The following LCAT variants were observed in gnomAD, a reference collection of about 807,000 sequenced individuals.
LCAT encodes the protein phosphatidylcholine-sterol acyltransferase.
In LCAT, 15 loss-of-function variants were observed where a neutral mutation model predicts 41.0. The ratio of observed to expected loss-of-function variants is 0.37; its 90% CI spans 0.24 to 0.56. LCAT has a LOEUF of 0.56. LCAT is among the 20% of genes least tolerant of loss of function. LCAT has a pLI of 0.81. For missense variants in LCAT, 449 were observed against 595.1 expected (o/e 0.75, Z 2.55); for synonymous variants, 248 against 245.4 (o/e 1.01, Z -0.10).
Position 67,940,492 on chromosome 16 carries a change from G to A in LCAT, c.749-14C>T, listed in dbSNP as rs775396226. The A allele has an allele frequency of 2.5e-6, 4 of 1,613,706 alleles. No individual in the cohort carries two copies. Among genetic ancestry groups the A allele is most frequent in the Non-Finnish European group, 8.5e-7 (1 of 1,179,868 alleles). On this transcript the variant is annotated splice_polypyrimidine_tract_variant and intron_variant, in intron 5 of 5. Transcript: ENST00000264005. ...CCTGGTTGTCACCTGTGGATATGGA[G>A]CAAGGTGGGACAGGGAGCCAGGCCT...
At position 67,943,254 on chromosome 16, in the gene LCAT, G is replaced by A. The variant is rs79374857; in HGVS notation, c.155-42C>T. ...TCACTCTGGACTCTGGATTCCCCCC[G>A]TGACCCTTACCCCCGTCACCCCAGA... On this transcript the variant is annotated intron_variant, in intron 1 of 5. Coordinates refer to ENST00000264005, the MANE Select transcript of LCAT (RefSeq NM_000229.2). The surrounding 1 kb of genome is among the most constrained non-coding windows in gnomAD (Gnocchi z 4.6). 16 of 1,590,508 alleles carry A rather than the reference G, an allele frequency of 1.0e-5. No individual in the cohort carries two copies. Among genetic ancestry groups the A allele is most frequent in the South Asian group, 7.8e-5 (7 of 90,290 alleles).
chr16:67,943,689 TG>T lies in LCAT; in HGVS notation c.154+258del. The T allele has an allele frequency of 1.9e-6, 1 of 539,834 alleles. No individual in the cohort carries two copies. The highest frequency in any genetic ancestry group is 2.5e-5 in the South Asian group (1 of 40,806). The allele number at this position is 539,834 out of a possible 1,614,324, so 33.4% of individuals were successfully genotyped here. A position where few individuals can be genotyped will look rare whatever the true frequency, so the allele number is the denominator to read the frequency against. On this transcript the variant is annotated intron_variant, in intron 1 of 5. Transcript: ENST00000264005. The surrounding 1 kb of genome is among the most constrained non-coding windows in gnomAD (Gnocchi z 4.6). ...GGCTGTGACTGACCACAGCTTGTGA[TG>T]CCCCAGCCAAGACCTCAGGCACACC...
Position 67,943,108 on chromosome 16 carries a change from C to G in LCAT, c.259G>C (p.Asp87His). 1 of 1,614,018 alleles carries G rather than the reference C, an allele frequency of 6.2e-7. No individual in the cohort carries two copies. The highest frequency in any genetic ancestry group is 8.5e-7 in the Non-Finnish European group (1 of 1,179,954). Residue 87 changes from aspartate (D) to histidine (H), a missense_variant, in exon 2 of 6, where the codon GAT (aspartate) becomes CAT (histidine). By Grantham distance (81) the Asp-to-His change is moderately conservative. Coordinates refer to ENST00000264005, the MANE Select transcript of LCAT (RefSeq NM_000229.2). The surrounding 1 kb of genome is among the most constrained non-coding windows in gnomAD (Gnocchi z 4.6). Reference protein sequence around the residue: ...KTEDFFTIWLDLNMFLPLGVD... With the variant: ...KTEDFFTIWLHLNMFLPLGVD... ...CCAAGGGGTAGGAACATGTTGAGAT[C>G]CAGCCAGATGGTGAAGAAGTCCTCT...
rs765971549 is a variant in LCAT at position 67,944,045 on chromosome 16, G to T, written c.57C>A (p.Leu19=). The change falls in exon 1 of 6, where the codon CTC becomes CTA. Residue 19 remains leucine, a synonymous_variant. Coordinates refer to ENST00000264005, the MANE Select transcript of LCAT (RefSeq NM_000229.2). This position sits in a 1 kb window ranked among gnomAD's most constrained non-coding sequence, Gnocchi z 6.6. ...QWVTLLLGLL[L]PPAAPFWLLN... ...GGAGCCAGAAGGGGGCGGCAGGAGG[G>T]AGCAGCAGCCCCAGCAGCAGCGTCA... is the stretch of plus-strand genomic sequence containing the variant. The T allele has an allele frequency of 1.9e-6, 3 of 1,547,734 alleles. No homozygotes were observed. In the African/African-American group the frequency reaches 4.1e-5, roughly 21 times the overall value.
In LCAT at chr16:67,942,162, T is replaced by A; in HGVS notation, c.748+201A>T. ...GTGTTCACTGCCCCTTTGCCATCAC[T>A]GACACAGACTCTGGAAGGAGCCACC... On this transcript the variant is annotated intron_variant, in intron 5 of 5. Coordinates refer to ENST00000264005, the MANE Select transcript of LCAT (RefSeq NM_000229.2). This position sits in a 1 kb window ranked among gnomAD's most constrained non-coding sequence, Gnocchi z 6.6. The A allele has an allele frequency of 7.3e-7, 1 of 1,366,708 alleles. No homozygotes were observed. Among genetic ancestry groups the A allele is most frequent in the Non-Finnish European group, 9.9e-7 (1 of 1,014,942 alleles). 84.7% of individuals were successfully genotyped at this position (1,366,708 alleles called of 1,614,324 possible).
chr16:67,942,949 G>C lies in LCAT; in HGVS notation c.339C>G (p.Leu113=). 6.2e-7 allele frequency: 1 copy of C among 1,613,856 alleles called. No homozygotes were observed. The highest frequency in any genetic ancestry group is 1.1e-5 in the South Asian group (1 of 91,086). ...TRVVYNRSSG[L]VSNAPGVQIR... is the part of the protein sequence containing the mutation. The stretch of plus-strand genomic sequence containing the variant: ...TCTGGACACCAGGGGCGTTGGACAC[G>C]AGCCCAGAGCTCCGGTTGTAGACAA... The change falls in exon 3 of 6, where the codon CTC becomes CTG. Residue 113 remains leucine, a synonymous_variant. Coordinates refer to ENST00000264005, the MANE Select transcript of LCAT (RefSeq NM_000229.2). This position sits in a 1 kb window ranked among gnomAD's most constrained non-coding sequence, Gnocchi z 6.6.
Position 67,943,546 on chromosome 16 carries a change from C to A in LCAT, c.155-334G>T. 2.0e-6 allele frequency: 1 copy of A among 509,524 alleles called. No homozygotes were observed. 31.6% of individuals were successfully genotyped at this position (509,524 alleles called of 1,614,324 possible). A position where few individuals can be genotyped will look rare whatever the true frequency, so the allele number is the denominator to read the frequency against. On this transcript the variant is annotated intron_variant, in intron 1 of 5. Coordinates refer to ENST00000264005, the MANE Select transcript of LCAT (RefSeq NM_000229.2). This position sits in a 1 kb window ranked among gnomAD's most constrained non-coding sequence, Gnocchi z 4.6. ...AGGTCTGGGGGCATGGGGGCTGGGC[C>A]TAATAGGGGCCGGGCATGGATGGGC...
Position 67,940,439 on chromosome 16 carries a change from A to T in LCAT, c.788T>A (p.Leu263Gln), listed in dbSNP as rs749825308. The change falls in exon 6 of 6, where the codon CTG becomes CAG. Residue 263 changes from leucine to glutamine, a missense_variant. Coordinates refer to ENST00000264005, the MANE Select transcript of LCAT (RefSeq NM_000229.2). ...QGIPIMSSIK[L>Q]KEEQRITTTS... ...GGTGGTTATGCGCTGCTCCTCTTTC[A>T]GCTTGATGCTGGACATGATGGGGAT... 5 of 1,614,068 alleles carry T rather than the reference A, an allele frequency of 3.1e-6. No individual in the cohort carries two copies. The highest frequency in any genetic ancestry group is 4.2e-6 in the Non-Finnish European group (5 of 1,180,012).
chr16:67,939,980 G>T lies in LCAT; in HGVS notation c.1247C>A (p.Ala416Asp). ...CTGGCGGTAGGCACCCAGCAGGATG[G>T]CATTGATGTGCTCCAGGGTCAGGTT... ...FSNLTLEHIN[A>D]ILLGAYRQGP... The change falls in exon 6 of 6, where the codon GCC becomes GAC. Residue 416 changes from alanine (A) to aspartate (D), a missense_variant. By Grantham distance (126) the Ala-to-Asp change is moderately radical. Transcript: ENST00000264005. 1 of 1,613,710 alleles carries T rather than the reference G, an allele frequency of 6.2e-7. No homozygotes were observed. Among genetic ancestry groups the T allele is most frequent in the Admixed American group, 1.7e-5 (1 of 60,026 alleles).
In LCAT at chr16:67,943,113, C is replaced by T. The variant is rs1328187167; in HGVS notation, c.254G>A (p.Trp85Ter). ...GGGTAGGAACATGTTGAGATCCAGC[C>T]AGATGGTGAAGAAGTCCTCTGTCTT... ...YRKTEDFFTI[W>*]LDLNMFLPLG... is the part of the protein sequence containing the mutation. Residue 85 changes from tryptophan to a stop codon, truncating the protein, a stop_gained, in exon 2 of 6, where the codon TGG becomes TAG. Coordinates refer to ENST00000264005, the MANE Select transcript of LCAT (RefSeq NM_000229.2). LOFTEE classifies it high-confidence loss of function. The surrounding 1 kb of genome is among the most constrained non-coding windows in gnomAD (Gnocchi z 4.6). 3 of 1,613,898 alleles carry T rather than the reference C, an allele frequency of 1.9e-6. No homozygotes were observed. Among genetic ancestry groups the T allele is most frequent in the Non-Finnish European group, 2.5e-6 (3 of 1,179,952 alleles).
Position 67,942,068 on chromosome 16 carries a change from G to T in LCAT, c.748+295C>A. On this transcript the variant is annotated intron_variant, in intron 5 of 5. Transcript: ENST00000264005. This position sits in a 1 kb window ranked among gnomAD's most constrained non-coding sequence, Gnocchi z 6.6. Reference sequence around the variant, plus strand: ...CTGCGAGCAAGTGGAAGGCAGGCAAGGGCTGGGCAGGCAGGCTCTGGGGCT... The same window carrying T: ...CTGCGAGCAAGTGGAAGGCAGGCAATGGCTGGGCAGGCAGGCTCTGGGGCT... 1 of 1,310,904 alleles carries T rather than the reference G, an allele frequency of 7.6e-7. No homozygotes were observed. Among genetic ancestry groups the T allele is most frequent in the Admixed American group, 3.2e-5 (1 of 31,686 alleles). 81.2% of individuals were successfully genotyped at this position (1,310,904 alleles called of 1,614,324 possible).
intron 5 of LCAT, 114 bp from the exon 6 acceptor site, chr16:67,940,592 A>C (rs1368852684): frequency 2.7e-6 from 4 of 1,507,756 alleles, no homozygotes; most frequent in Non-Finnish European, 3.6e-6. Flanking sequence ...CAATCTAGAC[A>C]CAGACTCTAA....
rs28940887 is a variant in LCAT at position 67,942,719 on chromosome 16, G to T, written c.475C>A (p.Arg159=). ...GGGGCGGCGCGCACAGTCTCGTCCC[G>T]CACGTAGCCATTGTTGACCAGGTTC... ...VQNLVNNGYV[R]DETVRAAPYD... is the part of the protein sequence containing the mutation. Residue 159 remains arginine, a synonymous_variant, in exon 4 of 6, where the codon CGG becomes AGG. Coordinates refer to ENST00000264005, the MANE Select transcript of LCAT (RefSeq NM_000229.2). The surrounding 1 kb of genome is among the most constrained non-coding windows in gnomAD (Gnocchi z 6.6). The T allele has an allele frequency of 6.2e-7, 1 of 1,612,836 alleles. No homozygotes were observed. Among genetic ancestry groups the T allele is most frequent in the Non-Finnish European group, 8.5e-7 (1 of 1,179,932 alleles).
chr16:67,940,393 G>C lies in LCAT; in HGVS notation c.834C>G (p.Pro278=). 6.2e-7 allele frequency: 1 copy of C among 1,614,148 alleles called. No individual in the cohort carries two copies. The highest frequency in any genetic ancestry group is 8.5e-7 in the Non-Finnish European group (1 of 1,180,034). ...RITTTSPWMF[P]SRMAWPEDHV... Reference sequence around the variant, plus strand: ...GGTCCTCAGGCCACGCCATGCGAGAGGGAAACATCCAGGGGGAGGTGGTGG... The same window carrying C: ...GGTCCTCAGGCCACGCCATGCGAGACGGAAACATCCAGGGGGAGGTGGTGG... Residue 278 remains proline, a synonymous_variant, in exon 6 of 6, where the codon CCC becomes CCG. Transcript: ENST00000264005.
In LCAT at chr16:67,942,948, C is replaced by A. The variant is rs35673026; in HGVS notation, c.340G>T (p.Val114Leu). 1 of 1,613,856 alleles carries A rather than the reference C, an allele frequency of 6.2e-7. No individual in the cohort carries two copies. Among genetic ancestry groups the A allele is most frequent in the East Asian group, 2.2e-5 (1 of 44,878 alleles). ...ATCTGGACACCAGGGGCGTTGGACA[C>A]GAGCCCAGAGCTCCGGTTGTAGACA... ...RVVYNRSSGL[V>L]SNAPGVQIRV... Residue 114 changes from valine (V) to leucine (L), a missense_variant, in exon 3 of 6, where the codon GTG becomes TTG. Coordinates refer to ENST00000264005, the MANE Select transcript of LCAT (RefSeq NM_000229.2). The surrounding 1 kb of genome is among the most constrained non-coding windows in gnomAD (Gnocchi z 6.6).
chr16:67,940,487 AT>A lies in LCAT; in HGVS notation c.749-10del. 2 of 1,612,416 alleles carry A rather than the reference AT, an allele frequency of 1.2e-6. No individual in the cohort carries two copies. Among genetic ancestry groups the A allele is most frequent in the South Asian group, 2.2e-5 (2 of 91,042 alleles). On this transcript the variant is annotated splice_polypyrimidine_tract_variant and intron_variant, in intron 5 of 5. Transcript: ENST00000264005. The stretch of plus-strand genomic sequence containing the variant: ...GATGCCCTGGTTGTCACCTGTGGAT[AT>A]GGAGCAAGGTGGGACAGGGAGCCAG...
rs566944733 is a variant in LCAT at position 67,942,307 on chromosome 16, C to T, written c.748+56G>A. 8.9e-6 allele frequency: 14 copies of T among 1,569,492 alleles called. No homozygotes were observed. The South Asian group carries it at 1.5e-4, about 16-fold the overall frequency. On this transcript the variant is annotated intron_variant, in intron 5 of 5. Coordinates refer to ENST00000264005, the MANE Select transcript of LCAT (RefSeq NM_000229.2). The surrounding 1 kb of genome is among the most constrained non-coding windows in gnomAD (Gnocchi z 6.6). ...AGCAGGAGCCGCAATGAAGGCAGGC[C>T]CAGGATCAGCTTGGTCTCACCCATC... is the stretch of plus-strand genomic sequence containing the variant.
Position 67,942,087 on chromosome 16 carries a change from T to C in LCAT, c.748+276A>G. ...AGGCAAGGGCTGGGCAGGCAGGCTC[T>C]GGGGCTACAAGAACAAACCCTGGGA... On this transcript the variant is annotated intron_variant, in intron 5 of 5. Transcript: ENST00000264005. This position sits in a 1 kb window ranked among gnomAD's most constrained non-coding sequence, Gnocchi z 6.6. 1.5e-6 allele frequency: 2 copies of C among 1,351,566 alleles called. No homozygotes were observed. Among genetic ancestry groups the C allele is most frequent in the Non-Finnish European group, 1.9e-6 (2 of 1,044,888 alleles). 83.7% of individuals were successfully genotyped at this position (1,351,566 alleles called of 1,614,324 possible).
At position 67,943,844 on chromosome 16, in the gene LCAT, G is replaced by T; in HGVS notation, c.154+104C>A. On this transcript the variant is annotated intron_variant, in intron 1 of 5. Coordinates refer to ENST00000264005, the MANE Select transcript of LCAT (RefSeq NM_000229.2). This position sits in a 1 kb window ranked among gnomAD's most constrained non-coding sequence, Gnocchi z 4.6. The stretch of plus-strand genomic sequence containing the variant: ...CACCAGGGCAGGTACTTATGTCGGG[G>T]CTTATGCAGGGCAGAAGGGCTTTGG... The T allele has an allele frequency of 2.7e-6, 3 of 1,123,748 alleles. No individual in the cohort carries two copies. Among genetic ancestry groups the T allele is most frequent in the Non-Finnish European group, 3.8e-6 (3 of 799,134 alleles). The allele number at this position is 1,123,748 out of a possible 1,614,324, so 69.6% of individuals were successfully genotyped here. A position where few individuals can be genotyped will look rare whatever the true frequency, so the allele number is the denominator to read the frequency against.
Sources: allele counts gnomAD v4.1 joint callset, GRCh38; gene constraint gnomAD v4.1.1; non-coding constraint Gnocchi (gnomAD v3.1); transcripts MANE v1.5; gene names NCBI Gene and HGNC (gene_info 2026-07-23, HGNC 2026-07-21).